Variants in ZNG1F observed in about 807,000 individuals in gnomAD.
ZNG1F encodes zinc-regulated GTPase metalloprotein activator 1F.
chr9:41,185,040 C>T, the ZNG1F span, among the ~76,000 whole-genome samples: 3 of 132,576 alleles, frequency 2.3e-5, no homozygotes, highest in Admixed American at 8.1e-5. Context: ...TAAAAGAAAT[C>T]GTCTAATAGA....
At chr9:41,150,378 C>T in the ZNG1F span, among the ~76,000 whole-genome samples, 62,341 of 139,688 alleles carry the variant, frequency 0.45, 15,432 homozygotes, top group Non-Finnish European at 0.56. Flanking sequence ...AACTGCAAGG[C>T]GGCAGCGAGG....
chr9:41,134,176 T>A, the ZNG1F span: 1 of 155,340 alleles, frequency 6.4e-6, no homozygotes, highest in African/African-American at 2.5e-5. Context: ...GATAACTATT[T>A]CATTTTATAA....
chr9:41,166,447 T>C, the ZNG1F span, among the ~76,000 whole-genome samples: 411 of 5,122 alleles, frequency 0.08, no homozygotes, highest in South Asian at 0.28. Context: ...TTATTATACA[T>C]ATATATATAT....
At chr9:41,180,660 A>ATGTGTG in the ZNG1F span, among the ~76,000 whole-genome samples, 5 of 90,744 alleles carry the variant, frequency 5.5e-5, no homozygotes, top group African/African-American at 2.2e-4. Flanking sequence ...GTGTGTATGA[A>ATGTGTG]TGTGTGTGTG....
chr9:41,201,231 T>C, the ZNG1F span, among the ~76,000 whole-genome samples: 2 of 147,300 alleles, frequency 1.4e-5, no homozygotes, highest in Admixed American at 6.9e-5. Context: ...CATGGGCATA[T>C]ATTAATATGT....
the ZNG1F span, chr9:41,195,280 G>A: frequency 2.5e-5 from 2 of 79,372 alleles, no homozygotes; most frequent in African/African-American, 8.5e-5. Context: ...GAACTTGTTG[G>A]GAACATATCT....
At chr9:41,185,362 CCTTT>C in the ZNG1F span, among the ~76,000 whole-genome samples, 15 of 141,190 alleles carry the variant, frequency 1.1e-4, no homozygotes, top group African/African-American at 2.9e-4. Context: ...TACAAAACTG[CCTTT>C]CTAATTCCTA....
chr9:41,201,226 G>A, the ZNG1F span, among the ~76,000 whole-genome samples: 1 of 146,634 alleles, frequency 6.8e-6, no homozygotes, highest in South Asian at 2.2e-4. Context: ...ATGTGCATGG[G>A]CATATATTAA....
the ZNG1F span, among the ~76,000 whole-genome samples, chr9:41,141,273 CTAA>C: frequency 5.0e-4 from 75 of 151,030 alleles, 1 homozygote; most frequent in South Asian, 0.015. Flanking sequence ...ATAGTTGGTT[CTAA>C]TAATAAACTA....
the ZNG1F span, among the ~76,000 whole-genome samples, chr9:41,140,883 G>A: frequency 8.8e-5 from 13 of 147,882 alleles, no homozygotes; most frequent in Non-Finnish European, 1.8e-4. Context: ...ATGCCACCAT[G>A]CCTGGCTAAT....
the ZNG1F span, among the ~76,000 whole-genome samples, chr9:41,153,805 C>G: frequency 1.9e-5 from 2 of 107,634 alleles, no homozygotes; most frequent in African/African-American, 7.1e-5. Flanking sequence ...ATTCAACAAC[C>G]CGTCATGCTA....
the ZNG1F span, among the ~76,000 whole-genome samples, chr9:41,174,081 G>A: frequency 3.4e-5 from 5 of 146,412 alleles, no homozygotes; most frequent in African/African-American, 1.3e-4. Context: ...AATTAGCCAG[G>A]TACGATGGTG....
the ZNG1F span, among the ~76,000 whole-genome samples, chr9:41,134,204 T>TA: frequency 2.1e-5 from 3 of 144,406 alleles, no homozygotes; most frequent in Admixed American, 2.2e-4. Flanking sequence ...AAAATAAGGG[T>TA]CAAAAAAATA....
chr9:41,151,397 G>A, the ZNG1F span, among the ~76,000 whole-genome samples: 1 of 150,194 alleles, frequency 6.7e-6, no homozygotes, highest in South Asian at 2.1e-4. Flanking sequence ...AAAGTGACAG[G>A]GAGAATGGAA....
chr9:41,137,515 ACT>A, the ZNG1F span, among the ~76,000 whole-genome samples: 1 of 144,626 alleles, frequency 6.9e-6, no homozygotes, highest in South Asian at 2.2e-4. Flanking sequence ...GTTTAAATCC[ACT>A]GTTTCTTTGT....
the ZNG1F span, among the ~76,000 whole-genome samples, chr9:41,160,613 G>A: frequency 7.0e-6 from 1 of 142,700 alleles, no homozygotes; most frequent in Non-Finnish European, 1.5e-5. Flanking sequence ...TAGTAGAGAT[G>A]GGGTTTCACA....
the ZNG1F span, chr9:41,183,701 C>T: frequency 5.0e-6 from 8 of 1,606,130 alleles, 1 homozygote; most frequent in East Asian, 1.4e-4. Flanking sequence ...AACTCTTTAG[C>T]TTATGTCCAT....
chr9:41,199,739 C>T, the ZNG1F span, among the ~76,000 whole-genome samples: 1 of 152,052 alleles, frequency 6.6e-6, no homozygotes, highest in Non-Finnish European at 1.5e-5. Flanking sequence ...GGGACCCACC[C>T]CTACAGCAAA....
chr9:41,165,238 C>T, the ZNG1F span: 1 of 618,322 alleles, frequency 1.6e-6, no homozygotes, highest in African/African-American at 3.5e-5. Context: ...ATATAGTGCT[C>T]TATAGGAGTG....
Sources: gnomAD v4.1 joint callset for allele counts (sites outside exome capture counted in the v4.1 genomes callset) on GRCh38, gnomAD v4.1.1 for gene constraint, MANE v1.5 for transcripts, NCBI Gene and HGNC (gene_info 2026-07-23, HGNC 2026-07-21) for gene names.